The following TAS2R1 variants were observed in gnomAD, a reference collection of about 807,000 sequenced individuals.
TAS2R1 encodes taste receptor type 2 member 1.
For synonymous variants in TAS2R1, 141 were observed against 134.2 expected, an observed-to-expected ratio of 1.05 and a Z score of -0.35; for missense variants, 370 against 353.4, an observed-to-expected ratio of 1.05 and a Z score of -0.38.
At chr5:9,855,889 G>A in the TAS2R1 span, among the ~76,000 whole-genome samples, 1 of 151,994 alleles carries the variant, frequency 6.6e-6, no homozygotes, top group Admixed American at 6.5e-5. Context: ...GTTAAGAAGT[G>A]CTAAAAGATA....
At chr5:9,785,589 A>C in the TAS2R1 span, among the ~76,000 whole-genome samples, 2 of 152,192 alleles carry the variant, frequency 1.3e-5, no homozygotes, top group Non-Finnish European at 2.9e-5. Flanking sequence ...AAAAATCTCA[A>C]CTCTGATAGC....
intron 1 of TAS2R1, among the ~76,000 whole-genome samples, chr5:9,674,256 G>GT (rs1740826112): frequency 6.6e-6 from 1 of 152,098 alleles, no homozygotes; most frequent in Non-Finnish European, 1.5e-5. Flanking sequence ...CAATAAAGCA[G>GT]TATATGATGA....
At chr5:9,763,371 T>C in the TAS2R1 span, among the ~76,000 whole-genome samples, 1 of 151,910 alleles carries the variant, frequency 6.6e-6, no homozygotes, top group African/African-American at 2.4e-5. Flanking sequence ...GGCATAGTGG[T>C]GCGCGCCTGT....
the TAS2R1 span, among the ~76,000 whole-genome samples, chr5:9,899,840 TC>T: frequency 6.6e-6 from 1 of 152,162 alleles, no homozygotes; most frequent in Non-Finnish European, 1.5e-5. Context: ...AGTTGAGATG[TC>T]CCAATGGAGT....
chr5:9,762,204 T>G, the TAS2R1 span, among the ~76,000 whole-genome samples: 3 of 152,204 alleles, frequency 2.0e-5, no homozygotes, highest in Non-Finnish European at 4.4e-5. Flanking sequence ...GGTAGGTCAT[T>G]AGCCTATCCT....
At chr5:9,650,024 A>T (rs1349908422) in intron 2 of TAS2R1, among the ~76,000 whole-genome samples, 1 of 152,230 alleles carries the variant, frequency 6.6e-6, no homozygotes, top group Non-Finnish European at 1.5e-5. Flanking sequence ...AGATTGTTAT[A>T]TAGTCTGGAA....
At chr5:9,844,328 TC>T in the TAS2R1 span, among the ~76,000 whole-genome samples, 1 of 152,190 alleles carries the variant, frequency 6.6e-6, no homozygotes. Flanking sequence ...AAACCCTAAC[TC>T]TCTATCTTCA....
chr5:9,727,909 T>A, the TAS2R1 span, among the ~76,000 whole-genome samples: 2 of 151,688 alleles, frequency 1.3e-5, no homozygotes, highest in African/African-American at 4.8e-5. Flanking sequence ...TGAGCATGAG[T>A]AGGAAGGGGT....
chr5:9,765,349 G>GCC, the TAS2R1 span: 5 of 152,126 alleles, frequency 3.3e-5, no homozygotes, highest in African/African-American at 7.2e-5. Flanking sequence ...AATAACATAT[G>GCC]CCCCCTGGGT....
At chr5:9,761,837 T>C in the TAS2R1 span, among the ~76,000 whole-genome samples, 3 of 152,218 alleles carry the variant, frequency 2.0e-5, no homozygotes, top group Admixed American at 6.5e-5. Context: ...CCAGACAGTG[T>C]TCATTTCTGA....
the TAS2R1 span, among the ~76,000 whole-genome samples, chr5:9,862,679 T>C: frequency 1.3e-5 from 2 of 152,116 alleles, no homozygotes; most frequent in Non-Finnish European, 2.9e-5. Flanking sequence ...CTCAGCTCAC[T>C]ACAACCTCTC....
chr5:9,899,296 A>G, the TAS2R1 span, among the ~76,000 whole-genome samples: 12 of 152,230 alleles, frequency 7.9e-5, 1 homozygote, highest in African/African-American at 2.4e-4. Context: ...GAAATAGTAT[A>G]CCAAGGGGAA....
chr5:9,750,808 A>G, the TAS2R1 span, among the ~76,000 whole-genome samples: 1 of 152,268 alleles, frequency 6.6e-6, no homozygotes, highest in Admixed American at 6.6e-5. Context: ...AAGATTAACC[A>G]TTAGCTCTTT....
the TAS2R1 span, among the ~76,000 whole-genome samples, chr5:9,842,832 C>T: frequency 0.06 from 9,053 of 151,972 alleles, 641 homozygotes; most frequent in East Asian, 0.23. Context: ...GTCATAACTG[C>T]CTTGCGATGG....
At chr5:9,748,484 T>C in the TAS2R1 span, among the ~76,000 whole-genome samples, 2 of 152,312 alleles carry the variant, frequency 1.3e-5, no homozygotes, top group South Asian at 4.1e-4. Context: ...ATTTGGCTCA[T>C]GATTCTGGTG....
At chr5:9,844,808 T>C in the TAS2R1 span, among the ~76,000 whole-genome samples, 1 of 152,166 alleles carries the variant, frequency 6.6e-6, no homozygotes. Flanking sequence ...CATCTGATTC[T>C]ATAAACCAGA....
the TAS2R1 span, among the ~76,000 whole-genome samples, chr5:9,867,552 C>T: frequency 6.6e-6 from 1 of 152,186 alleles, no homozygotes; most frequent in Non-Finnish European, 1.5e-5. Context: ...TTACTTCCCA[C>T]TAAGTCCCTT....
the TAS2R1 span, among the ~76,000 whole-genome samples, chr5:9,878,480 A>T: frequency 6.6e-5 from 10 of 152,364 alleles, no homozygotes; most frequent in Admixed American, 5.9e-4. Context: ...AGAATCTGAC[A>T]GCATTTGGAA....
the TAS2R1 span, among the ~76,000 whole-genome samples, chr5:9,786,436 A>G: frequency 1.3e-5 from 2 of 152,194 alleles, no homozygotes; most frequent in African/African-American, 4.8e-5. Context: ...CCATCACAGT[A>G]TGGAAGGGAT....
Sources: gnomAD v4.1 joint callset for allele counts (sites outside exome capture counted in the v4.1 genomes callset) on GRCh38, gnomAD v4.1.1 for gene constraint, MANE v1.5 for transcripts, NCBI Gene and HGNC (gene_info 2026-07-23, HGNC 2026-07-21) for gene names.